PPARGC1A: variants seen among roughly 807,000 people sequenced by gnomAD.
PPARGC1A encodes the protein peroxisome proliferator-activated receptor gamma coactivator 1-alpha.
A neutral mutation model predicts 88.7 loss-of-function variants in PPARGC1A; 25 were observed. The ratio of observed to expected loss-of-function variants is 0.28; its 90% CI spans 0.21 to 0.39. The LOEUF (loss-of-function observed/expected upper bound fraction) is 0.39. PPARGC1A is among the 10% of genes least tolerant of loss of function. PPARGC1A has a pLI of 1.00. For synonymous variants in PPARGC1A, 363 were observed against 355.6 expected (o/e 1.02, Z -0.24); for missense variants, 880 against 968.7 (o/e 0.91, Z 1.22).
the PPARGC1A span, among the ~76,000 whole-genome samples, chr4:24,400,448 A>G: frequency 1.3e-5 from 2 of 152,166 alleles, no homozygotes; most frequent in African/African-American, 2.4e-5. Context: ...TGGGACTCAG[A>G]CTGGCTCTCC....
At chr4:24,118,911 A>C in the PPARGC1A span, among the ~76,000 whole-genome samples, 1,852 of 152,270 alleles carry the variant, frequency 0.012, 42 homozygotes, top group African/African-American at 0.042. Flanking sequence ...ACCTGAAAAA[A>C]AAATGTCAAT....
the PPARGC1A span, among the ~76,000 whole-genome samples, chr4:24,230,969 C>T: frequency 3.9e-5 from 4 of 103,018 alleles, no homozygotes; most frequent in East Asian, 7.2e-4. Flanking sequence ...TAAAAAAAGA[C>T]GAAGAAGAAG....
intron 12 of PPARGC1A, among the ~76,000 whole-genome samples, chr4:23,798,904 C>T (rs1429492560): frequency 2.6e-5 from 4 of 152,096 alleles, no homozygotes; most frequent in Admixed American, 1.3e-4. Context: ...TAGCTGAAAT[C>T]GTTATGTTTT....
At chr4:24,379,681 A>G in the PPARGC1A span, among the ~76,000 whole-genome samples, 3 of 152,086 alleles carry the variant, frequency 2.0e-5, no homozygotes, top group Non-Finnish European at 4.4e-5. Context: ...TGAAAAAGAA[A>G]TAATTATCTA....
At chr4:24,287,220 T>C in the PPARGC1A span, among the ~76,000 whole-genome samples, 1 of 137,292 alleles carries the variant, frequency 7.3e-6, no homozygotes, top group Non-Finnish European at 1.6e-5. Flanking sequence ...AAAAAAAAAA[T>C]GTATCCAGAC....
At chr4:24,062,129 T>C in the PPARGC1A span, among the ~76,000 whole-genome samples, 1,763 of 152,256 alleles carry the variant, frequency 0.012, 14 homozygotes, top group Middle Eastern at 0.024. Context: ...ATTTTGACAT[T>C]ACTGATTAAA....
At position 23,802,138 on chromosome 4, in the gene PPARGC1A, T is replaced by C. The variant is rs1395814200; in HGVS notation, c.2141+86A>G. On this transcript the variant is annotated intron_variant, in intron 11 of 12. Transcript: ENST00000264867. Reference sequence around the variant, plus strand: ...ATGTCATCTGTCAAAGCACTTACATTGGCAACTCCCATCCCAGTAATCTTA... The same window carrying C: ...ATGTCATCTGTCAAAGCACTTACATCGGCAACTCCCATCCCAGTAATCTTA... 5.7e-6 allele frequency: 9 copies of C among 1,567,624 alleles called. No homozygotes were observed. The South Asian group carries it at 9.2e-5, about 16-fold the overall frequency.
At chr4:23,838,015 A>G (rs1403648961) in intron 2 of PPARGC1A, among the ~76,000 whole-genome samples, 2 of 152,344 alleles carry the variant, frequency 1.3e-5, no homozygotes, top group African/African-American at 4.8e-5. Flanking sequence ...TTCCTGCAAT[A>G]AAATTTAAAA....
At chr4:24,142,478 A>G in the PPARGC1A span, among the ~76,000 whole-genome samples, 2 of 152,002 alleles carry the variant, frequency 1.3e-5, no homozygotes. Context: ...GTTTGAGACT[A>G]GCATGGGCAA....
chr4:24,018,229 C>A, the PPARGC1A span, among the ~76,000 whole-genome samples: 2 of 152,282 alleles, frequency 1.3e-5, no homozygotes, highest in African/African-American at 4.8e-5. Context: ...CCAACTATTT[C>A]AATAAAGACT....
chr4:24,124,887 G>C, the PPARGC1A span, among the ~76,000 whole-genome samples: 37,342 of 151,998 alleles, frequency 0.25, 5,120 homozygotes, highest in Non-Finnish European at 0.3. Flanking sequence ...TCATATCACT[G>C]TCTCAGATTT....
the PPARGC1A span, among the ~76,000 whole-genome samples, chr4:24,216,506 G>T: frequency 6.6e-6 from 1 of 152,034 alleles, no homozygotes; most frequent in Admixed American, 6.6e-5. Context: ...ACTCAAAATC[G>T]GCTCTTCTTC....
the PPARGC1A span, among the ~76,000 whole-genome samples, chr4:24,007,927 C>T: frequency 1.3e-5 from 2 of 152,174 alleles, no homozygotes; most frequent in Non-Finnish European, 2.9e-5. Context: ...CAGTGTGCAG[C>T]TCTCAGCTCT....
At chr4:23,869,828 C>A (rs996716566) in intron 2 of PPARGC1A, among the ~76,000 whole-genome samples, 10 of 151,954 alleles carry the variant, frequency 6.6e-5, no homozygotes, top group Non-Finnish European at 1.5e-4. Flanking sequence ...AAAGTATAGG[C>A]GATTTCATTC....
chr4:23,862,665 TA>T (rs1731424242), intron 2 of PPARGC1A, among the ~76,000 whole-genome samples: 1 of 152,228 alleles, frequency 6.6e-6, no homozygotes, highest in South Asian at 2.1e-4. Flanking sequence ...ACTATGTTTT[TA>T]ACATTGTCTT....
At chr4:24,471,156 C>A in the PPARGC1A span, among the ~76,000 whole-genome samples, 62,015 of 151,486 alleles carry the variant, frequency 0.41, 12,822 homozygotes, top group East Asian at 0.61. The surrounding 1 kb of genome is among the most constrained non-coding windows in gnomAD (Gnocchi z 5.4). Flanking sequence ...CGACACCCCC[C>A]ACCCCTAGCG....
the PPARGC1A span, among the ~76,000 whole-genome samples, chr4:24,291,234 C>T: frequency 1.3e-5 from 2 of 152,144 alleles, no homozygotes; most frequent in African/African-American, 2.4e-5. Context: ...AACCTCTGGG[C>T]CTGACAAAAC....
At chr4:24,343,477 T>G in the PPARGC1A span, among the ~76,000 whole-genome samples, 1 of 152,176 alleles carries the variant, frequency 6.6e-6, no homozygotes, top group Non-Finnish European at 1.5e-5. Flanking sequence ...AGGCATCATT[T>G]TGAGGCACAG....
At chr4:24,244,651 T>C in the PPARGC1A span, among the ~76,000 whole-genome samples, 1 of 152,186 alleles carries the variant, frequency 6.6e-6, no homozygotes, top group Non-Finnish European at 1.5e-5. Flanking sequence ...AGGGACAACA[T>C]GGCTTCCCAG....
Sources: gnomAD v4.1 joint callset for allele counts (sites outside exome capture counted in the v4.1 genomes callset) on GRCh38, gnomAD v4.1.1 for gene constraint, Gnocchi (gnomAD v3.1) non-coding constraint, MANE v1.5 for transcripts, NCBI Gene and HGNC (gene_info 2026-07-23, HGNC 2026-07-21) for gene names.